Variants in NTM observed in about 807,000 individuals in gnomAD.
NTM encodes neurotrimin.
Under a neutral mutation model 42.1 loss-of-function variants are expected in NTM, and 13 were observed. That is an observed-to-expected ratio of 0.31 (90% CI 0.20 to 0.49). The LOEUF (loss-of-function observed/expected upper bound fraction) is 0.49. Among genes scored for constraint, NTM ranks in the 20% least tolerant of loss-of-function variants. The pLI, the probability that NTM is intolerant of heterozygous loss-of-function variation, is 0.99. For synonymous variants in NTM, 187 were observed against 179.2 expected (o/e 1.04, Z -0.35); for missense variants, 373 against 452.8 (o/e 0.82, Z 1.60).
chr11:132,275,748 G>GTA (rs1192967159), intron 4 of NTM, among the ~76,000 whole-genome samples: 3 of 58,988 alleles, frequency 5.1e-5, no homozygotes, highest in Non-Finnish European at 9.0e-5. Flanking sequence ...ATATATATAT[G>GTA]TGTATATATA....
In NTM at chr11:131,666,312, C is replaced by T. The variant is rs1018443097; in HGVS notation, c.83-245252C>T. Among the ~76,000 whole-genome samples, 4 of 152,196 alleles carry T rather than the reference C, an allele frequency of 2.6e-5. 1 individual carries two copies. Among genetic ancestry groups the T allele is most frequent in the Admixed American group, 2.6e-4 (4 of 15,288 alleles). On this transcript the variant is annotated intron_variant, in intron 1 of 8. Transcript: ENST00000683400. ...GTCCACACCCTGCCCCTGGCCCTGC[C>T]TCCTGTCTTATAATTGCCAGAGGGT...
chr11:131,452,775 C>T (rs1950577628), intron 1 of NTM, among the ~76,000 whole-genome samples: 1 of 152,160 alleles, frequency 6.6e-6, no homozygotes, highest in African/African-American at 2.4e-5. Context: ...GCAGTGCAGA[C>T]AATACTTAGA....
chr11:132,327,829 C>CCCTT lies in NTM; in HGVS notation c.935-2309_935-2306dup, dbSNP rs202230127. On this transcript the variant is annotated intron_variant, in intron 7 of 8. Coordinates refer to ENST00000683400, the MANE Select transcript of NTM (RefSeq NM_001352005.2). The stretch of plus-strand genomic sequence containing the variant: ...TTCCTTCCTGTCTCCCTCCCTCCCT[C>CCCTT]CCTTCCTTCCTTCCTTCCATCCTTT... Among the ~76,000 whole-genome samples, 23 of 147,532 alleles carry CCCTT rather than the reference C, an allele frequency of 1.6e-4. No homozygotes were observed. The South Asian group carries it at 4.3e-3, about 28-fold the overall frequency.
rs369828600 is a variant in NTM at position 132,084,589 on chromosome 11, TA to T, written c.168-61689del. ...AAGCCTGTTAAATATGGTAGAGGTT[TA>T]AAACACTTGATGTTGTGAACTAGAA... On this transcript the variant is annotated intron_variant, in intron 2 of 8. Transcript: ENST00000683400. Among the ~76,000 whole-genome samples, 35 of 152,308 alleles carry T rather than the reference TA, an allele frequency of 2.3e-4. 2 individuals carry two copies. Among genetic ancestry groups the T allele is most frequent in the African/African-American group, 8.2e-4 (34 of 41,572 alleles).
At chr11:132,297,261 C>A (rs1565414647) in intron 4 of NTM, among the ~76,000 whole-genome samples, 1 of 152,242 alleles carries the variant, frequency 6.6e-6, no homozygotes, top group South Asian at 2.1e-4. Context: ...GACCCCACCC[C>A]AGGTTTTCTG....
At chr11:132,123,640 G>T (rs913574721) in intron 2 of NTM, among the ~76,000 whole-genome samples, 5 of 152,166 alleles carry the variant, frequency 3.3e-5, no homozygotes, top group African/African-American at 1.2e-4. Flanking sequence ...CGCATTTGAT[G>T]AGCCAGCCAA....
intron 4 of NTM, among the ~76,000 whole-genome samples, chr11:132,218,081 C>A (rs914745711): frequency 6.6e-6 from 1 of 152,128 alleles, no homozygotes; most frequent in Non-Finnish European, 1.5e-5. Flanking sequence ...CGGCTGACTG[C>A]AGCACCCTGG....
At chr11:131,684,929 C>T (rs535657328) in intron 1 of NTM, among the ~76,000 whole-genome samples, 4 of 152,292 alleles carry the variant, frequency 2.6e-5, no homozygotes, top group Admixed American at 1.3e-4. Context: ...GGTGAGTGAG[C>T]CCCCACTAGG....
intron 1 of NTM, among the ~76,000 whole-genome samples, chr11:131,689,966 T>C (rs897574501): frequency 2.0e-5 from 3 of 152,216 alleles, no homozygotes; most frequent in Non-Finnish European, 4.4e-5. Flanking sequence ...GATAACCCTA[T>C]GCTGTTGTGT....
intron 1 of NTM, among the ~76,000 whole-genome samples, chr11:131,592,666 A>G (rs1039424746): frequency 2.0e-5 from 3 of 149,492 alleles, no homozygotes; most frequent in Admixed American, 6.6e-5. Context: ...ACACACACAC[A>G]CACACACACA....
At position 132,336,137 on chromosome 11, in the gene NTM, T is replaced by A. The variant is rs2095870418; in HGVS notation, c.*991T>A. The stretch of plus-strand genomic sequence containing the variant: ...TGATCTGCACTGTATCTTGGGTTTG[T>A]TGGCTATGCTTCCTTTGATGACATA... On this transcript the variant is annotated 3_prime_UTR_variant, in exon 9 of 9. Coordinates refer to ENST00000683400, the MANE Select transcript of NTM (RefSeq NM_001352005.2). 2 of 152,674 alleles carry A rather than the reference T, an allele frequency of 1.3e-5. No individual in the cohort carries two copies. The highest frequency in any genetic ancestry group is 2.9e-5 in the Non-Finnish European group (2 of 68,056). 9.5% of individuals were successfully genotyped at this position (152,674 alleles called of 1,614,324 possible). A position where few individuals can be genotyped will look rare whatever the true frequency, so the allele number is the denominator to read the frequency against.
chr11:132,128,247 T>C (rs1390393005), intron 2 of NTM, among the ~76,000 whole-genome samples: 3 of 152,136 alleles, frequency 2.0e-5, no homozygotes, highest in Admixed American at 6.5e-5. Flanking sequence ...TGTTTTTTTT[T>C]TTACATTGAT....
At chr11:131,943,864 G>C (rs1405317210) in intron 2 of NTM, among the ~76,000 whole-genome samples, 1 of 151,934 alleles carries the variant, frequency 6.6e-6, no homozygotes, top group Non-Finnish European at 1.5e-5. Context: ...GTGACAGCCC[G>C]AGTTGCTCTC....
At chr11:132,013,279 A>C (rs1004388143) in intron 2 of NTM, among the ~76,000 whole-genome samples, 5 of 152,142 alleles carry the variant, frequency 3.3e-5, no homozygotes, top group Non-Finnish European at 7.4e-5. Flanking sequence ...AGAAACCTAA[A>C]AGAAAAGATT....
At chr11:131,951,202 A>G (rs1400848726) in intron 2 of NTM, among the ~76,000 whole-genome samples, 1 of 152,154 alleles carries the variant, frequency 6.6e-6, no homozygotes, top group South Asian at 2.1e-4. Context: ...ATAAAAAGGC[A>G]TTTGATGAGG....
chr11:131,805,147 C>T (rs941768940), intron 1 of NTM, among the ~76,000 whole-genome samples: 9 of 152,326 alleles, frequency 5.9e-5, no homozygotes, highest in Non-Finnish European at 1.3e-4. Context: ...AGGCCATCCT[C>T]ACCATCTTCA....
intron 2 of NTM, among the ~76,000 whole-genome samples, chr11:132,121,148 G>A (rs1034657562): frequency 3.6e-4 from 55 of 152,194 alleles, no homozygotes; most frequent in African/African-American, 1.3e-3. Context: ...GGGTTTCACC[G>A]CAGGAGCCTG....
intron 1 of NTM, among the ~76,000 whole-genome samples, chr11:131,878,955 C>T (rs553764090): frequency 1.1e-4 from 17 of 152,134 alleles, no homozygotes; most frequent in African/African-American, 2.4e-4. Context: ...CCACTATGTA[C>T]GCTGCCAATC....
chr11:132,166,669 T>G (rs1040382702), intron 3 of NTM, among the ~76,000 whole-genome samples: 33 of 152,224 alleles, frequency 2.2e-4, no homozygotes, highest in African/African-American at 8.0e-4. Flanking sequence ...TTTGCATTCC[T>G]ACTAAGTGCA....
Sources: allele counts gnomAD v4.1 joint callset (sites outside exome capture counted in the v4.1 genomes callset), GRCh38; gene constraint gnomAD v4.1.1; transcripts MANE v1.5; gene names NCBI Gene and HGNC (gene_info 2026-07-23, HGNC 2026-07-21).